Variants in CDH13 observed in about 807,000 individuals in gnomAD.
The protein encoded by CDH13 is cadherin-13.
A neutral mutation model predicts 63.8 loss-of-function variants in CDH13; 24 were observed. The observed-to-expected ratio is 0.38, with a 90% confidence interval of 0.27 to 0.53. The LOEUF (loss-of-function observed/expected upper bound fraction) is 0.53. CDH13 is among the 20% of genes least tolerant of loss of function. The probability of loss-of-function intolerance (pLI) is 0.85; values close to 1 mark genes in which losing one functional copy is unlikely to be tolerated. For synonymous variants in CDH13, 503 were observed against 355.3 expected, an observed-to-expected ratio of 1.42 and a Z score of -4.67; for missense variants, 1,049 against 903.1, an observed-to-expected ratio of 1.16 and a Z score of -2.07.
chr16:83,458,328 C>T (rs60319046), intron 6 of CDH13, among the ~76,000 whole-genome samples: 1 of 152,184 alleles, frequency 6.6e-6, no homozygotes, highest in African/African-American at 2.4e-5. Flanking sequence ...GTAGCAAAAT[C>T]TCAAGCACAG....
chr16:82,975,359 A>G (rs577218856), intron 2 of CDH13, among the ~76,000 whole-genome samples: 1 of 152,296 alleles, frequency 6.6e-6, no homozygotes, highest in Admixed American at 6.5e-5. Flanking sequence ...GGCCCCAGAC[A>G]GTGGCAGGCA....
intron 2 of CDH13, among the ~76,000 whole-genome samples, chr16:83,021,142 A>G (rs72794177): frequency 0.18 from 26,663 of 152,138 alleles, 2,511 homozygotes; most frequent in East Asian, 0.28. Flanking sequence ...CTTTCGCTTA[A>G]TGGGTGACTT....
rs1204783649 is a variant in CDH13, at chr16:83,214,557, G to C, written c.484-2788G>C. ...ATTGCACCACTGCATTCCAGCCTGGGTGACAGAGTGAGACTCTGTCTCAAA... is the reference window on the plus strand; with the variant it reads ...ATTGCACCACTGCATTCCAGCCTGGCTGACAGAGTGAGACTCTGTCTCAAA... On this transcript the variant is annotated intron_variant, in intron 4 of 13. Coordinates refer to ENST00000567109, the MANE Select transcript of CDH13 (RefSeq NM_001257.5). Among the ~76,000 whole-genome samples the C allele has an allele frequency of 9.8e-5, 11 of 112,302 alleles. No homozygotes were observed. The Admixed American group carries it at 1.4e-3, about 14-fold the overall frequency. 73.7% of individuals were successfully genotyped at this position (112,302 alleles called of 152,430 possible).
At chr16:82,757,326 G>C (rs1230687339) in intron 1 of CDH13, among the ~76,000 whole-genome samples, 2 of 152,092 alleles carry the variant, frequency 1.3e-5, no homozygotes, top group East Asian at 3.9e-4. Context: ...CAATTTTCTT[G>C]ATATTTGAAC....
chr16:83,535,832 AAAGG>A (rs1359430675), intron 7 of CDH13, among the ~76,000 whole-genome samples: 10 of 149,382 alleles, frequency 6.7e-5, no homozygotes, highest in African/African-American at 1.2e-4. Context: ...GGAACGAAGG[AAAGG>A]AAGGAAGGGA....
At chr16:83,003,542 G>A (rs562355056) in intron 2 of CDH13, among the ~76,000 whole-genome samples, 1 of 152,238 alleles carries the variant, frequency 6.6e-6, no homozygotes, top group Middle Eastern at 3.4e-3. Flanking sequence ...AACAAAGAAG[G>A]AGCTTTATTT....
At chr16:83,078,870 C>T (rs2033038900) in intron 3 of CDH13, among the ~76,000 whole-genome samples, 1 of 152,322 alleles carries the variant, frequency 6.6e-6, no homozygotes, top group Admixed American at 6.5e-5. Context: ...TCTTGGCTCA[C>T]TGCAACCTCC....
intron 2 of CDH13, chr16:83,023,124 T>A (rs1249117735): frequency 6.6e-6 from 1 of 152,224 alleles, no homozygotes; most frequent in South Asian, 2.1e-4. Context: ...TTAATTCACA[T>A]GTCAAACTTG....
intron 5 of CDH13, among the ~76,000 whole-genome samples, chr16:83,295,613 A>G (rs190960576): frequency 2.0e-5 from 3 of 152,330 alleles, no homozygotes; most frequent in African/African-American, 7.2e-5. Flanking sequence ...GCAAATTAAA[A>G]CCACAATGAG....
intron 6 of CDH13, among the ~76,000 whole-genome samples, chr16:83,443,190 G>C (rs964019236): frequency 6.6e-6 from 1 of 152,164 alleles, no homozygotes; most frequent in Non-Finnish European, 1.5e-5. Flanking sequence ...TGATAGGGTG[G>C]GTGACTTACT....
chr16:82,748,426 G>A (rs908156116), intron 1 of CDH13, among the ~76,000 whole-genome samples: 3 of 152,150 alleles, frequency 2.0e-5, no homozygotes, highest in African/African-American at 7.2e-5. Context: ...AGTCAAGATG[G>A]GCTATGGGAA....
chr16:83,013,937 A>ATC (rs1257887216), intron 2 of CDH13, among the ~76,000 whole-genome samples: 1 of 152,196 alleles, frequency 6.6e-6, no homozygotes, highest in Non-Finnish European at 1.5e-5. Flanking sequence ...GTGATAACAG[A>ATC]AAGAAACATC....
chr16:83,180,001 C>A (rs2038283439), intron 4 of CDH13, among the ~76,000 whole-genome samples: 1 of 151,964 alleles, frequency 6.6e-6, no homozygotes, highest in Non-Finnish European at 1.5e-5. Flanking sequence ...TTTCTGTAGG[C>A]CACTGTTTGT....
At chr16:82,753,892 T>C (rs1216614399) in intron 1 of CDH13, among the ~76,000 whole-genome samples, 2 of 152,196 alleles carry the variant, frequency 1.3e-5, no homozygotes, top group East Asian at 3.8e-4. Context: ...CTTTCATCTT[T>C]TCATATGTTA....
intron 7 of CDH13, among the ~76,000 whole-genome samples, chr16:83,593,765 G>T (rs1906990580): frequency 6.6e-6 from 1 of 152,112 alleles, no homozygotes; most frequent in Non-Finnish European, 1.5e-5. Context: ...CTCCCAGGCA[G>T]AGACATAAAG....
chr16:83,393,591 T>C (rs2091828675), intron 6 of CDH13, among the ~76,000 whole-genome samples: 1 of 152,166 alleles, frequency 6.6e-6, no homozygotes, highest in Non-Finnish European at 1.5e-5. Context: ...GACATAGACA[T>C]ATATGTTATT....
At chr16:83,472,583 T>C (rs375516899) in intron 6 of CDH13, among the ~76,000 whole-genome samples, 2 of 152,168 alleles carry the variant, frequency 1.3e-5, no homozygotes, top group East Asian at 3.9e-4. Context: ...TCTTAAGTTG[T>C]GTCCATTGGC....
intron 2 of CDH13, among the ~76,000 whole-genome samples, chr16:83,002,115 G>T (rs905870856): frequency 2.0e-5 from 3 of 152,194 alleles, no homozygotes; most frequent in Admixed American, 6.5e-5. Context: ...GCCCCAAAAA[G>T]ATATGTCCAC....
intron 3 of CDH13, among the ~76,000 whole-genome samples, chr16:83,069,001 C>G (rs571400296): frequency 1.6e-3 from 246 of 152,272 alleles, no homozygotes; most frequent in Admixed American, 4.1e-3. Context: ...TCCCATGCCC[C>G]CAGTTCAGTT....
Sources: gnomAD v4.1 joint callset for allele counts (sites outside exome capture counted in the v4.1 genomes callset) on GRCh38, gnomAD v4.1.1 for gene constraint, MANE v1.5 for transcripts, NCBI Gene and HGNC (gene_info 2026-07-23, HGNC 2026-07-21) for gene names.